Variants in HECW1 observed in about 807,000 individuals in gnomAD.
The protein encoded by HECW1 is E3 ubiquitin-protein ligase HECW1.
Under a neutral mutation model 182.3 loss-of-function variants are expected in HECW1, and 61 were observed. The observed-to-expected ratio is 0.33, with a 90% confidence interval of 0.27 to 0.41. The LOEUF is 0.41. Ranked by LOEUF, HECW1 falls within the 10% of genes least tolerant of loss-of-function variation. HECW1 has a pLI of 1.00. For synonymous variants in HECW1, 859 were observed against 832.6 expected (o/e 1.03, Z -0.55); for missense variants, 1,739 against 2,108.9 (o/e 0.82, Z 3.44).
rs150839419 is a variant in HECW1 at position 43,395,185 on chromosome 7, G to A, written c.556-1629G>A. Among the ~76,000 whole-genome samples, 394 of 152,266 alleles carry A rather than the reference G, an allele frequency of 2.6e-3. 1 individual carries two copies. The highest frequency in any genetic ancestry group is 9.1e-3 in the African/African-American group (380 of 41,546). On this transcript the variant is annotated intron_variant, in intron 6 of 29. Coordinates refer to ENST00000395891, the MANE Select transcript of HECW1 (RefSeq NM_015052.5). ...CTCCTAAACCATAATTTCTAATCTT[G>A]CAGCTAACGTTAGTCCTACAAAGAC...
At chr7:43,140,665 T>C (rs1256368893) in intron 2 of HECW1, among the ~76,000 whole-genome samples, 1 of 152,200 alleles carries the variant, frequency 6.6e-6, no homozygotes, top group Non-Finnish European at 1.5e-5. Context: ...TCCCACGAGA[T>C]TAGGAGAACC....
At chr7:43,470,355 T>C (rs1273408110) in intron 16 of HECW1, among the ~76,000 whole-genome samples, 2 of 152,212 alleles carry the variant, frequency 1.3e-5, no homozygotes, top group Non-Finnish European at 2.9e-5. Context: ...CACCACCATG[T>C]TCATCATGCA....
At chr7:43,268,398 G>A (rs1802019285) in intron 3 of HECW1, among the ~76,000 whole-genome samples, 1 of 152,220 alleles carries the variant, frequency 6.6e-6, no homozygotes, top group East Asian at 1.9e-4. Context: ...CTTATTCCCT[G>A]TGAAACCTTT....
chr7:43,456,783 G>A (rs953352178), intron 13 of HECW1, among the ~76,000 whole-genome samples: 2 of 152,100 alleles, frequency 1.3e-5, no homozygotes, highest in African/African-American at 4.8e-5. Context: ...AACTTTCCAG[G>A]CACTGTACCC....
At chr7:43,119,740 A>T (rs1279538941) in intron 2 of HECW1, among the ~76,000 whole-genome samples, 1 of 152,098 alleles carries the variant, frequency 6.6e-6, no homozygotes, top group African/African-American at 2.4e-5. Flanking sequence ...TCTCTCAGGG[A>T]CAACTCTGTC....
At chr7:43,542,929 G>A (rs1585246545) in intron 26 of HECW1, among the ~76,000 whole-genome samples, 1 of 152,106 alleles carries the variant, frequency 6.6e-6, no homozygotes, top group Non-Finnish European at 1.5e-5. Context: ...TGTGAAGTAC[G>A]TCATACATAC....
intron 2 of HECW1, among the ~76,000 whole-genome samples, chr7:43,146,987 A>G (rs1172462797): frequency 1.3e-5 from 2 of 152,136 alleles, no homozygotes; most frequent in South Asian, 2.1e-4. Context: ...AGACTATTTT[A>G]TGGCTGCTTT....
chr7:43,320,672 C>T lies in HECW1; in HGVS notation c.390C>T (p.Asn130=). The part of the protein sequence containing the change: ...VLSENFLDYK[N]RGVNGSHRGQ... ...CCGAAAACTTTCTGGACTATAAAAACCGTGGAGTCAATGGTTCTCATCGGG... is the reference window on the plus strand; with the variant it reads ...CCGAAAACTTTCTGGACTATAAAAATCGTGGAGTCAATGGTTCTCATCGGG... Residue 130 remains asparagine, a synonymous_variant, in exon 5 of 30, where the codon AAC becomes AAT. Coordinates refer to ENST00000395891, the MANE Select transcript of HECW1 (RefSeq NM_015052.5). 1.2e-6 allele frequency: 2 copies of T among 1,614,176 alleles called. No homozygotes were observed. The highest frequency in any genetic ancestry group is 1.7e-6 in the Non-Finnish European group (2 of 1,180,006).
At chr7:43,129,841 C>T (rs960401177) in intron 2 of HECW1, among the ~76,000 whole-genome samples, 1 of 152,168 alleles carries the variant, frequency 6.6e-6, no homozygotes, top group East Asian at 1.9e-4. Flanking sequence ...CTACATACAT[C>T]CTCCTGTATA....
rs998069645 is a variant in HECW1, at chr7:43,243,698, T to C, written c.-31-177T>C. 6.6e-6 allele frequency among the ~76,000 whole-genome samples: 1 copy of C among 152,200 alleles called. No homozygotes were observed. Among genetic ancestry groups the C allele is most frequent in the African/African-American group, 2.4e-5 (1 of 41,440 alleles). The stretch of plus-strand genomic sequence containing the variant: ...ACAGAATAATGTTGCTTGCAACTTT[T>C]TATCCACTTTATCAAAATGAGTGTG... On this transcript the variant is annotated intron_variant, in intron 2 of 29. Transcript: ENST00000395891. The surrounding 1 kb of genome is among the most constrained non-coding windows in gnomAD (Gnocchi z 4.0).
Position 43,444,183 on chromosome 7 carries a change from T to C in HECW1, c.1046-35T>C, listed in dbSNP as rs1414128146. ...ATCCTAACACCACAATGCTCTCTTC[T>C]GGGAGAAATGACATATTTTTCTTCT... On this transcript the variant is annotated intron_variant, in intron 10 of 29. Transcript: ENST00000395891. This position sits in a 1 kb window ranked among gnomAD's most constrained non-coding sequence, Gnocchi z 4.3. 9.6e-6 allele frequency: 15 copies of C among 1,568,106 alleles called. No homozygotes were observed. The highest frequency in any genetic ancestry group is 1.3e-5 in the Non-Finnish European group (15 of 1,154,516).
intron 2 of HECW1, among the ~76,000 whole-genome samples, chr7:43,135,108 C>T (rs1787384895): frequency 6.6e-6 from 1 of 152,152 alleles, no homozygotes; most frequent in African/African-American, 2.4e-5. Context: ...TGTTATCTAT[C>T]TACCAATATC....
At chr7:43,552,026 CA>C (rs2081851117) in intron 27 of HECW1, among the ~76,000 whole-genome samples, 195 bp from the exon 28 acceptor site, 1 of 152,144 alleles carries the variant, frequency 6.6e-6, no homozygotes, top group African/African-American at 2.4e-5. Context: ...AAGATTTCAA[CA>C]TATGAATTTG....
chr7:43,512,286 G>A (rs374976461), intron 24 of HECW1, among the ~76,000 whole-genome samples: 3 of 152,208 alleles, frequency 2.0e-5, no homozygotes, highest in African/African-American at 7.2e-5. Flanking sequence ...CTGCAGGAAG[G>A]ACAGAGGTGC....
chr7:43,401,975 C>A lies in HECW1; in HGVS notation c.631+5086C>A, dbSNP rs73101377. On this transcript the variant is annotated intron_variant, in intron 7 of 29. Coordinates refer to ENST00000395891, the MANE Select transcript of HECW1 (RefSeq NM_015052.5). The stretch of plus-strand genomic sequence containing the variant: ...AGAAGGAGAGAAGAGAAGGAGCATC[C>A]GAATGTTGAGAGGAGTTCAGTTGGG... Among the ~76,000 whole-genome samples, 1,034 of 151,922 alleles carry A rather than the reference C, an allele frequency of 6.8e-3. 8 individuals carry two copies. Among genetic ancestry groups the A allele is most frequent in the Middle Eastern group, 0.034 (10 of 294 alleles).
At chr7:43,525,537 A>G (rs549593071) in intron 24 of HECW1, among the ~76,000 whole-genome samples, 2 of 152,318 alleles carry the variant, frequency 1.3e-5, no homozygotes, top group East Asian at 3.9e-4. Flanking sequence ...ATTGTAAACC[A>G]CCTAGCATCA....
intron 3 of HECW1, chr7:43,274,610 C>T (rs1383153733): frequency 1.0e-5 from 4 of 396,658 alleles, no homozygotes; most frequent in Non-Finnish European, 1.9e-5. Context: ...CGGGTGTGCC[C>T]CAAATAAACT....
chr7:43,246,134 G>GAA (rs1325413735), intron 3 of HECW1, among the ~76,000 whole-genome samples: 4 of 128,980 alleles, frequency 3.1e-5, no homozygotes, highest in African/African-American at 1.1e-4. Flanking sequence ...CCATTTCTAT[G>GAA]AAAAATAAAA....
chr7:43,450,648 T>A (rs996634504), intron 11 of HECW1, among the ~76,000 whole-genome samples, 180 bp from the exon 12 acceptor site: 3 of 152,144 alleles, frequency 2.0e-5, no homozygotes, highest in African/African-American at 2.4e-5. Context: ...TCTTCTTTTT[T>A]AAAAAAATAT....
Sources: gnomAD v4.1 joint callset for allele counts (sites outside exome capture counted in the v4.1 genomes callset) on GRCh38, gnomAD v4.1.1 for gene constraint, Gnocchi (gnomAD v3.1) non-coding constraint, MANE v1.5 for transcripts, NCBI Gene and HGNC (gene_info 2026-07-23, HGNC 2026-07-21) for gene names.